The following ANKS1B variants were observed in gnomAD, a reference collection of about 807,000 sequenced individuals.
ANKS1B encodes the protein ankyrin repeat and sterile alpha motif domain-containing protein 1B.
In ANKS1B, 36 loss-of-function variants were observed where a neutral mutation model predicts 148.3. The ratio of observed to expected loss-of-function variants is 0.24; its 90% CI spans 0.19 to 0.32. The LOEUF (loss-of-function observed/expected upper bound fraction) is 0.32, where lower values mean the gene tolerates loss of function less well. Among genes scored for constraint, ANKS1B ranks in the 10% least tolerant of loss-of-function variants. The pLI is 1.00. For synonymous variants in ANKS1B, 542 were observed against 560.8 expected, an observed-to-expected ratio of 0.97 and a Z score of 0.47; for missense variants, 1,157 against 1,542.6, an observed-to-expected ratio of 0.75 and a Z score of 4.19.
chr12:99,372,185 T>C (rs1010480041), intron 12 of ANKS1B, among the ~76,000 whole-genome samples: 4 of 152,064 alleles, frequency 2.6e-5, no homozygotes, highest in African/African-American at 9.7e-5. Context: ...TGTACCACTC[T>C]AGTGGGGGAT....
chr12:99,109,561 C>T (rs1026525529), intron 15 of ANKS1B, among the ~76,000 whole-genome samples: 1 of 152,136 alleles, frequency 6.6e-6, no homozygotes, highest in Non-Finnish European at 1.5e-5. Flanking sequence ...ATTTCCTCCT[C>T]TATGAAATGG....
chr12:98,738,883 T>A (rs2097785493), intron 9 of ANKS1B, among the ~76,000 whole-genome samples: 1 of 152,202 alleles, frequency 6.6e-6, no homozygotes, highest in Non-Finnish European at 1.5e-5. Context: ...AAGCCCTTCA[T>A]CTTGGGCTTA....
At chr12:99,184,041 A>G (rs953783514) in intron 14 of ANKS1B, among the ~76,000 whole-genome samples, 10 of 152,366 alleles carry the variant, frequency 6.6e-5, no homozygotes, top group Admixed American at 6.5e-4. Context: ...AATGAGCCTT[A>G]TCATCTCAAA....
At chr12:99,150,822 G>A (rs775813630) in intron 15 of ANKS1B, among the ~76,000 whole-genome samples, 3 of 151,998 alleles carry the variant, frequency 2.0e-5, no homozygotes, top group Non-Finnish European at 4.4e-5. Flanking sequence ...CCAGAGGTTA[G>A]TGAGTATCAG....
intron 11 of ANKS1B, among the ~76,000 whole-genome samples, chr12:99,410,409 C>A (rs948501343): frequency 6.6e-6 from 1 of 152,140 alleles, no homozygotes; most frequent in East Asian, 1.9e-4. Context: ...GTGGTTCACG[C>A]CTGTAATCCC....
At chr12:99,290,759 G>A (rs1016291929) in intron 12 of ANKS1B, among the ~76,000 whole-genome samples, 1 of 152,026 alleles carries the variant, frequency 6.6e-6, no homozygotes, top group Non-Finnish European at 1.5e-5. Flanking sequence ...ACTGGGGATA[G>A]AAGAAACATA....
intron 22 of ANKS1B, among the ~76,000 whole-genome samples, chr12:98,795,404 C>T (rs1051354393): frequency 6.6e-6 from 1 of 152,138 alleles, no homozygotes; most frequent in Admixed American, 6.5e-5. Flanking sequence ...TTGTGGATGT[C>T]GAGGATGAGA....
chr12:99,644,244 T>C (rs941596734), intron 9 of ANKS1B, among the ~76,000 whole-genome samples: 1 of 152,190 alleles, frequency 6.6e-6, no homozygotes, highest in Non-Finnish European at 1.5e-5. Flanking sequence ...CAGTTTTCAA[T>C]AACATGTTTC....
chr12:99,228,087 AG>A (rs547432422), intron 14 of ANKS1B, among the ~76,000 whole-genome samples: 77 of 152,266 alleles, frequency 5.1e-4, no homozygotes, highest in Non-Finnish European at 9.0e-4. Context: ...AGAAGATAAA[AG>A]TATGAGCCAT....
At chr12:99,679,648 C>T (rs935158201) in intron 8 of ANKS1B, among the ~76,000 whole-genome samples, 1 of 151,812 alleles carries the variant, frequency 6.6e-6, no homozygotes, top group African/African-American at 2.4e-5. Flanking sequence ...CCAGTTTCAA[C>T]AAGGGAAGAG....
intron 9 of ANKS1B, among the ~76,000 whole-genome samples, chr12:99,618,484 T>A (rs1342916232): frequency 6.6e-6 from 1 of 152,062 alleles, no homozygotes; most frequent in African/African-American, 2.4e-5. Flanking sequence ...AAAATGGGAA[T>A]CCTCAGCATT....
intron 8 of ANKS1B, among the ~76,000 whole-genome samples, chr12:99,748,676 A>G (rs1393789392): frequency 6.6e-6 from 1 of 152,062 alleles, no homozygotes; most frequent in Non-Finnish European, 1.5e-5. Context: ...AAGCAAATAT[A>G]TAATACGTTG....
chr12:98,770,329 A>G (rs1283246743), intron 25 of ANKS1B, among the ~76,000 whole-genome samples: 4 of 152,336 alleles, frequency 2.6e-5, no homozygotes, highest in Admixed American at 2.0e-4. Context: ...AGAGAAAGGT[A>G]TTTCACATAA....
At chr12:99,043,804 C>T (rs117374253) in intron 17 of ANKS1B, among the ~76,000 whole-genome samples, 1,711 of 152,296 alleles carry the variant, frequency 0.011, 45 homozygotes, top group East Asian at 0.094. Context: ...ATGGCTTATA[C>T]GAATCTTATA....
chr12:99,193,157 T>A (rs1700919676), intron 14 of ANKS1B, among the ~76,000 whole-genome samples: 1 of 152,194 alleles, frequency 6.6e-6, no homozygotes, highest in African/African-American at 2.4e-5. Flanking sequence ...GCTTATTCCT[T>A]GTACATAACA....
chr12:99,480,231 T>C (rs1169772615), intron 10 of ANKS1B, among the ~76,000 whole-genome samples: 2 of 151,912 alleles, frequency 1.3e-5, no homozygotes, highest in Non-Finnish European at 2.9e-5. Context: ...ACTCTTTGTG[T>C]CCTTCTCACT....
intron 17 of ANKS1B, among the ~76,000 whole-genome samples, chr12:98,929,847 A>G (rs928521637): frequency 3.3e-5 from 5 of 152,128 alleles, no homozygotes; most frequent in African/African-American, 9.7e-5. Context: ...AGAAGAAAAC[A>G]TAGAAGAAAA....
chr12:99,191,377 T>C (rs963922366), intron 14 of ANKS1B, among the ~76,000 whole-genome samples: 3 of 152,226 alleles, frequency 2.0e-5, no homozygotes, highest in Admixed American at 6.5e-5. Context: ...ATCATTCTAC[T>C]ATAAAGACAC....
At chr12:99,508,856 T>G (rs1010156951) in intron 9 of ANKS1B, among the ~76,000 whole-genome samples, 3 of 151,914 alleles carry the variant, frequency 2.0e-5, no homozygotes, top group Non-Finnish European at 4.4e-5. Flanking sequence ...TACCTCAAGG[T>G]GTATCGTGTT....
Sources: allele counts gnomAD v4.1 joint callset (sites outside exome capture counted in the v4.1 genomes callset), GRCh38; gene constraint gnomAD v4.1.1; transcripts MANE v1.5; gene names NCBI Gene and HGNC (gene_info 2026-07-23, HGNC 2026-07-21).